Variants in NTRK2 observed in about 807,000 individuals in gnomAD.
The protein encoded by NTRK2 is BDNF/NT-3 growth factors receptor.
In NTRK2, 13 loss-of-function variants were observed where a neutral mutation model predicts 94.5. The observed-to-expected ratio is 0.14, with a 90% CI of 0.09 to 0.22. The LOEUF (loss-of-function observed/expected upper bound fraction) is 0.22. NTRK2 is among the 10% of genes least tolerant of loss of function. The pLI is 1.00. For synonymous variants in NTRK2, 372 were observed against 407.4 expected, an observed-to-expected ratio of 0.91 and a Z score of 1.05; for missense variants, 639 against 1,071.2, an observed-to-expected ratio of 0.60 and a Z score of 5.63.
At chr9:84,775,369 C>A (rs1034834338) in intron 12 of NTRK2, among the ~76,000 whole-genome samples, 1 of 152,218 alleles carries the variant, frequency 6.6e-6, no homozygotes, top group Non-Finnish European at 1.5e-5. Flanking sequence ...TTTTCAGAGT[C>A]TGTCTTATGC....
chr9:84,824,953 AC>A (rs1279649193), intron 12 of NTRK2, among the ~76,000 whole-genome samples: 1 of 150,280 alleles, frequency 6.7e-6, no homozygotes, highest in South Asian at 2.1e-4. Flanking sequence ...CTAACCAAAC[AC>A]CTCTGGATTT....
intron 6 of NTRK2, among the ~76,000 whole-genome samples, chr9:84,713,256 C>T (rs2061521370): frequency 6.6e-6 from 1 of 151,986 alleles, no homozygotes; most frequent in Non-Finnish European, 1.5e-5. Flanking sequence ...TGTTTCTTTA[C>T]TTTCATTGTT....
chr9:84,959,751 G>T (rs1824670913), intron 17 of NTRK2, among the ~76,000 whole-genome samples: 1 of 152,084 alleles, frequency 6.6e-6, no homozygotes, highest in South Asian at 2.1e-4. Context: ...TCCTCCACTG[G>T]CAAAACCTGA....
At chr9:85,009,735 T>A (rs1043411676) in intron 17 of NTRK2, among the ~76,000 whole-genome samples, 1 of 152,206 alleles carries the variant, frequency 6.6e-6, no homozygotes, top group Non-Finnish European at 1.5e-5. Flanking sequence ...ACAATTGCTA[T>A]GTGTTACATA....
intron 2 of NTRK2, among the ~76,000 whole-genome samples, chr9:84,687,850 G>A (rs139871824): frequency 6.6e-6 from 1 of 151,954 alleles, no homozygotes; most frequent in South Asian, 2.1e-4. Context: ...TATATGGTCT[G>A]TTTCAAGGGC....
chr9:84,726,952 C>A (rs767048701), intron 8 of NTRK2, among the ~76,000 whole-genome samples: 2 of 152,042 alleles, frequency 1.3e-5, no homozygotes, highest in African/African-American at 2.4e-5. Flanking sequence ...TGAAATAATC[C>A]CTACTCTGTC....
chr9:84,912,682 G>T (rs1301160479), intron 14 of NTRK2, among the ~76,000 whole-genome samples: 1 of 140,256 alleles, frequency 7.1e-6, no homozygotes, highest in African/African-American at 2.7e-5. Flanking sequence ...GCAGTGGCGC[G>T]ATCTTGGCTC....
chr9:84,898,707 C>A (rs1209341064), intron 14 of NTRK2, among the ~76,000 whole-genome samples: 1 of 151,512 alleles, frequency 6.6e-6, no homozygotes, highest in Non-Finnish European at 1.5e-5. Context: ...GACAGAGTCT[C>A]GCTCTTTTTT....
At chr9:84,912,541 A>C (rs1391749201) in intron 14 of NTRK2, among the ~76,000 whole-genome samples, 1 of 151,042 alleles carries the variant, frequency 6.6e-6, no homozygotes, top group Non-Finnish European at 1.5e-5. Context: ...TCTGATATTA[A>C]TATGGCCATC....
intron 12 of NTRK2, among the ~76,000 whole-genome samples, chr9:84,840,704 G>A (rs951639361): frequency 3.2e-4 from 48 of 152,136 alleles, no homozygotes; most frequent in Non-Finnish European, 4.0e-4. Flanking sequence ...CCAATCTAGC[G>A]CGCTGTTCTC....
intron 12 of NTRK2, among the ~76,000 whole-genome samples, chr9:84,816,893 C>T (rs2072456037): frequency 6.6e-6 from 1 of 151,776 alleles, no homozygotes; most frequent in Non-Finnish European, 1.5e-5. Context: ...TTGCATCTAA[C>T]ATCTGAAGGT....
At chr9:84,800,074 GA>G (rs1451428483) in intron 12 of NTRK2, among the ~76,000 whole-genome samples, 1 of 152,192 alleles carries the variant, frequency 6.6e-6, no homozygotes, top group East Asian at 1.9e-4. Context: ...CCGGAAGATG[GA>G]AACAGGCACT....
At chr9:84,830,538 CGTGTGTGT>C (rs60042932) in intron 12 of NTRK2, among the ~76,000 whole-genome samples, 64 of 146,024 alleles carry the variant, frequency 4.4e-4, no homozygotes, top group African/African-American at 1.2e-3. Flanking sequence ...AGCATGCATG[CGTGTGTGT>C]GTGTGTGTGT....
At chr9:84,948,425 A>T (rs2132879368) in intron 15 of NTRK2, 37 bp from the exon 16 acceptor site, 6 of 1,607,444 alleles carry the variant, frequency 3.7e-6, no homozygotes, top group Non-Finnish European at 5.1e-6. Context: ...CATAGGGCCC[A>T]CTGAAGTAAT....
chr9:84,859,872 G>T (rs772539453), intron 12 of NTRK2, among the ~76,000 whole-genome samples: 3 of 152,152 alleles, frequency 2.0e-5, no homozygotes, highest in Non-Finnish European at 4.4e-5. Context: ...ATTTGGCTTT[G>T]GCTCAAGGCT....
chr9:84,679,865 T>C (rs553881369), intron 2 of NTRK2, among the ~76,000 whole-genome samples: 1 of 152,342 alleles, frequency 6.6e-6, no homozygotes, highest in East Asian at 1.9e-4. Context: ...CTTCCTGCCA[T>C]CCTGGGTGAC....
chr9:84,764,583 A>T (rs920003704), intron 12 of NTRK2, among the ~76,000 whole-genome samples: 1 of 152,198 alleles, frequency 6.6e-6, no homozygotes, highest in Admixed American at 6.5e-5. Flanking sequence ...TATCAAAAAT[A>T]TTATTTTATT....
rs186252388 is a variant in NTRK2, at chr9:84,856,471, C to T, written c.1397-4569C>T. On this transcript the variant is annotated intron_variant, in intron 12 of 18. Coordinates refer to ENST00000277120, the MANE Select transcript of NTRK2 (RefSeq NM_006180.6). ...GGAGATGATGATACTGTCAACAAGG[C>T]GAACTTTTGCATTCATTTTTTCTCA... is the stretch of plus-strand genomic sequence containing the variant. Among the ~76,000 whole-genome samples the T allele has an allele frequency of 9.7e-4, 147 of 152,208 alleles. 1 individual carries two copies. The highest frequency in any genetic ancestry group is 4.3e-3 in the Admixed American group (65 of 15,288).
At chr9:84,688,141 G>A (rs1426652536) in intron 2 of NTRK2, among the ~76,000 whole-genome samples, 2 of 152,172 alleles carry the variant, frequency 1.3e-5, no homozygotes, top group African/African-American at 4.8e-5. Flanking sequence ...CTGGGATCCT[G>A]GGGAAGGGTG....
Sources: gnomAD v4.1 joint callset for allele counts (sites outside exome capture counted in the v4.1 genomes callset) on GRCh38, gnomAD v4.1.1 for gene constraint, MANE v1.5 for transcripts, NCBI Gene and HGNC (gene_info 2026-07-23, HGNC 2026-07-21) for gene names.